SAMMSON: variants seen among roughly 807,000 people sequenced by gnomAD.
SAMMSON encodes the protein long intergenic non-protein coding RNA 1212.
At chr3:70,009,603 G>A (rs1040931912) in intron 1 of SAMMSON, among the ~76,000 whole-genome samples, 4 of 151,700 alleles carry the variant, frequency 2.6e-5, no homozygotes, top group African/African-American at 9.7e-5. Context: ...TGGATTCATT[G>A]ATTTTTTTGA....
chr3:70,125,740 G>T lies in SAMMSON; in HGVS notation n.507+54175G>T, dbSNP rs201435399. The T allele has an allele frequency of 2.5e-5, 17 of 673,720 alleles. No homozygotes were observed. In the East Asian group the frequency reaches 4.6e-4, roughly 18 times the overall value. 41.7% of individuals were successfully genotyped at this position (673,720 alleles called of 1,614,324 possible). ...ATGTAAACTGTTTTGTGAAGGACAC[G>T]AAAGTATGTTCAACATATCCTTTAT... On this transcript the variant is annotated intron_variant and non_coding_transcript_variant, in intron 4 of 9. Transcript: ENST00000642114.
chr3:70,140,829 T>C (rs2067524794), intron 4 of SAMMSON, among the ~76,000 whole-genome samples: 1 of 152,180 alleles, frequency 6.6e-6, no homozygotes, highest in African/African-American at 2.4e-5. Flanking sequence ...CATGTTCCTC[T>C]TCCTCATTTC....
chr3:70,171,423 A>T (rs1221117690), intron 4 of SAMMSON, among the ~76,000 whole-genome samples: 1 of 151,904 alleles, frequency 6.6e-6, no homozygotes, highest in African/African-American at 2.4e-5. Context: ...ATAAGTTTAA[A>T]AAAATCTTCA....
intron 7 of SAMMSON, among the ~76,000 whole-genome samples, chr3:70,351,211 G>A (rs548985341): frequency 2.0e-5 from 3 of 152,090 alleles, no homozygotes; most frequent in Non-Finnish European, 2.9e-5. Flanking sequence ...ACCATTACCC[G>A]ATTCAAAAAC....
At chr3:70,128,118 G>T in intron 4 of SAMMSON, among the ~76,000 whole-genome samples, 1 of 152,186 alleles carries the variant, frequency 6.6e-6, no homozygotes, top group Non-Finnish European at 1.5e-5. Context: ...AAATGTGTCT[G>T]GGGGAGCATC....
At chr3:70,322,579 C>T (rs1208855376) in intron 7 of SAMMSON, among the ~76,000 whole-genome samples, 1 of 152,134 alleles carries the variant, frequency 6.6e-6, no homozygotes, top group Non-Finnish European at 1.5e-5. Flanking sequence ...AGTCTTTTCT[C>T]TAGACCACCT....
At chr3:70,351,974 A>T (rs979531787) in intron 7 of SAMMSON, among the ~76,000 whole-genome samples, 2 of 152,122 alleles carry the variant, frequency 1.3e-5, no homozygotes, top group Admixed American at 1.3e-4. Context: ...ACTTTTAAAA[A>T]GTAACAAGCC....
chr3:70,401,288 C>G (rs1701138544), intron 2 of SAMMSON, among the ~76,000 whole-genome samples: 1 of 148,688 alleles, frequency 6.7e-6, no homozygotes, highest in Non-Finnish European at 1.5e-5. Context: ...AGCTACAACT[C>G]CTTTTGTAGA....
At chr3:70,096,024 C>T (rs1344854544) in intron 4 of SAMMSON, 3 of 152,196 alleles carry the variant, frequency 2.0e-5, no homozygotes, top group African/African-American at 7.2e-5. Flanking sequence ...CAGGGTCTCT[C>T]ACAAGTCAAC....
At chr3:70,284,880 G>A (rs1702126810) in intron 6 of SAMMSON, among the ~76,000 whole-genome samples, 1 of 152,060 alleles carries the variant, frequency 6.6e-6, no homozygotes, top group South Asian at 2.1e-4. Context: ...ACCTGCACAT[G>A]TACCCCTGAA....
chr3:70,122,868 C>T (rs1244391864), intron 4 of SAMMSON, among the ~76,000 whole-genome samples: 6 of 152,106 alleles, frequency 3.9e-5, no homozygotes, highest in South Asian at 2.1e-4. Flanking sequence ...CAAATTTTTC[C>T]AACCTTACTG....
At chr3:70,394,986 C>G (rs1249276483) in intron 2 of SAMMSON, among the ~76,000 whole-genome samples, 1 of 152,120 alleles carries the variant, frequency 6.6e-6, no homozygotes, top group African/African-American at 2.4e-5. Flanking sequence ...TATTTTTTAT[C>G]TTGAAAGCTG....
intron 4 of SAMMSON, among the ~76,000 whole-genome samples, chr3:70,155,529 G>A (rs1306541117): frequency 6.6e-6 from 1 of 152,028 alleles, no homozygotes; most frequent in Admixed American, 6.6e-5. Flanking sequence ...ATTAATGCAA[G>A]CTCTTAATAA....
At chr3:70,293,045 CAAAAAAA>C (rs55990203) in intron 7 of SAMMSON, among the ~76,000 whole-genome samples, 31 of 74,780 alleles carry the variant, frequency 4.1e-4, no homozygotes, top group South Asian at 1.8e-3. Context: ...TGGTTTGAAG[CAAAAAAA>C]AAAAAAAAAA....
chr3:70,314,996 G>GATT (rs113597658), intron 7 of SAMMSON, among the ~76,000 whole-genome samples: 9,726 of 152,162 alleles, frequency 0.064, 406 homozygotes, highest in South Asian at 0.084. Context: ...GGAGAGTATG[G>GATT]ATTCTTTGAT....
At chr3:70,023,094 G>A (rs769883162) in intron 3 of SAMMSON, among the ~76,000 whole-genome samples, 1 of 152,108 alleles carries the variant, frequency 6.6e-6, no homozygotes, top group Admixed American at 6.5e-5. Flanking sequence ...CTGCTTTGAT[G>A]TTGGCTTCTT....
chr3:70,380,920 C>T (rs1374104854), intron 9 of SAMMSON, among the ~76,000 whole-genome samples: 2 of 152,276 alleles, frequency 1.3e-5, no homozygotes, highest in Non-Finnish European at 2.9e-5. Flanking sequence ...ATATGTGCCA[C>T]ATTTTCTTAA....
chr3:70,203,212 G>A (rs1471521613), intron 4 of SAMMSON, among the ~76,000 whole-genome samples: 1 of 152,016 alleles, frequency 6.6e-6, no homozygotes, highest in Non-Finnish European at 1.5e-5. Flanking sequence ...CCAGCCCCAA[G>A]CCAGTATTTT....
chr3:70,212,966 G>GTAT (rs1701365716), intron 4 of SAMMSON, among the ~76,000 whole-genome samples: 2 of 151,772 alleles, frequency 1.3e-5, no homozygotes, highest in African/African-American at 2.4e-5. Flanking sequence ...GCTTATTATA[G>GTAT]TATTATTATT....
Sources: gnomAD v4.1 joint callset for allele counts (sites outside exome capture counted in the v4.1 genomes callset) on GRCh38, gnomAD v4.1.1 for gene constraint, MANE v1.5 for transcripts, NCBI Gene and HGNC (gene_info 2026-07-23, HGNC 2026-07-21) for gene names.